The following KCTD8 variants were observed in gnomAD, a reference collection of about 807,000 sequenced individuals.
The protein encoded by KCTD8 is BTB/POZ domain-containing protein KCTD8.
A neutral mutation model predicts 31.5 loss-of-function variants in KCTD8; 27 were observed. The observed-to-expected ratio is 0.86, with a 90% CI of 0.63 to 1.18. KCTD8 has a LOEUF of 1.18. KCTD8 is among the 50% of genes most tolerant of loss of function. The pLI, the probability that KCTD8 is intolerant of heterozygous loss-of-function variation, is 0.00. For missense variants in KCTD8, 658 were observed against 647.7 expected (o/e 1.02, Z -0.17); for synonymous variants, 290 against 280.0 (o/e 1.04, Z -0.36).
chr4:44,191,783 G>A (rs772622380), intron 1 of KCTD8, among the ~76,000 whole-genome samples: 13 of 152,200 alleles, frequency 8.5e-5, no homozygotes, highest in Non-Finnish European at 7.3e-5. Context: ...GTGCACAGCT[G>A]AACGTAGACC....
intron 1 of KCTD8, among the ~76,000 whole-genome samples, chr4:44,188,036 T>C (rs1417254416): frequency 1.3e-5 from 2 of 151,916 alleles, no homozygotes; most frequent in African/African-American, 4.8e-5. Flanking sequence ...TCTAACACTC[T>C]TGTGTTGCAG....
At chr4:44,284,418 C>G (rs1431043896) in intron 1 of KCTD8, among the ~76,000 whole-genome samples, 1 of 152,098 alleles carries the variant, frequency 6.6e-6, no homozygotes, top group South Asian at 2.1e-4. Flanking sequence ...TGGCTAACCA[C>G]ATGCAGAAAA....
chr4:44,212,311 AT>A (rs1714512817), intron 1 of KCTD8, among the ~76,000 whole-genome samples: 1 of 152,226 alleles, frequency 6.6e-6, no homozygotes, highest in African/African-American at 2.4e-5. Context: ...ATTGGAAGAA[AT>A]GCAGGGAGGG....
At chr4:44,225,937 C>T (rs1446600035) in intron 1 of KCTD8, among the ~76,000 whole-genome samples, 1 of 150,896 alleles carries the variant, frequency 6.6e-6, no homozygotes, top group East Asian at 2.0e-4. Flanking sequence ...TCTCCTGCCT[C>T]AGCCTCCCGA....
At chr4:44,232,261 C>A (rs1715140841) in intron 1 of KCTD8, among the ~76,000 whole-genome samples, 2 of 152,136 alleles carry the variant, frequency 1.3e-5, no homozygotes, top group African/African-American at 2.4e-5. Context: ...GCCTCAAACT[C>A]TCTTAATGGT....
In KCTD8 at chr4:44,203,422, G is replaced by A. The variant is rs955084349; in HGVS notation, c.962-28172C>T. On this transcript the variant is annotated intron_variant, in intron 1 of 1. Transcript: ENST00000360029. ...GGAGAACTGCTTGAACCCAGGAAGC[G>A]GAGGTTGCAGTAAGCCAAGATCGTG... Among the ~76,000 whole-genome samples, 8 of 150,988 alleles carry A rather than the reference G, an allele frequency of 5.3e-5. No homozygotes were observed. In the East Asian group the frequency reaches 5.8e-4, roughly 11 times the overall value.
intron 1 of KCTD8, among the ~76,000 whole-genome samples, chr4:44,405,817 C>CAA (rs903559298): frequency 0.015 from 494 of 32,192 alleles, 30 homozygotes; most frequent in African/African-American, 0.039. Flanking sequence ...TCCTGTTTCT[C>CAA]AAAAAAAAAA....
At chr4:44,276,338 T>G (rs4695000) in intron 1 of KCTD8, among the ~76,000 whole-genome samples, 32,878 of 151,958 alleles carry the variant, frequency 0.22, 3,638 homozygotes, top group East Asian at 0.28. Context: ...ATGTTATATA[T>G]CCTTTAATAA....
chr4:44,274,200 C>G (rs1716686600), intron 1 of KCTD8, among the ~76,000 whole-genome samples: 1 of 151,778 alleles, frequency 6.6e-6, no homozygotes, highest in South Asian at 2.1e-4. Context: ...TGCTTCCCTC[C>G]TTGGAATAAT....
At chr4:44,264,295 G>T (rs956816577) in intron 1 of KCTD8, among the ~76,000 whole-genome samples, 5 of 151,946 alleles carry the variant, frequency 3.3e-5, no homozygotes, top group African/African-American at 1.2e-4. Context: ...CTAATATTTG[G>T]GTCAGAATTT....
At chr4:44,399,004 T>C (rs1050359172) in intron 1 of KCTD8, among the ~76,000 whole-genome samples, 6 of 152,146 alleles carry the variant, frequency 3.9e-5, no homozygotes, top group African/African-American at 7.2e-5. Context: ...GATTTGATGA[T>C]AAAACCTTCA....
intron 1 of KCTD8, among the ~76,000 whole-genome samples, chr4:44,322,186 A>G (rs1281030730): frequency 1.3e-5 from 2 of 152,058 alleles, no homozygotes; most frequent in African/African-American, 2.4e-5. Context: ...ACTGTTTTCC[A>G]TAATGGCTAT....
chr4:44,211,651 G>A (rs926991819), intron 1 of KCTD8, among the ~76,000 whole-genome samples: 2 of 151,906 alleles, frequency 1.3e-5, no homozygotes, highest in Non-Finnish European at 2.9e-5. Context: ...CTTCCTGGTC[G>A]ACATATACAA....
chr4:44,277,791 A>T (rs1393125905), intron 1 of KCTD8, among the ~76,000 whole-genome samples: 1 of 151,936 alleles, frequency 6.6e-6, no homozygotes, highest in African/African-American at 2.4e-5. Flanking sequence ...AAGATAAAGA[A>T]TCTGAGGTTT....
intron 1 of KCTD8, among the ~76,000 whole-genome samples, chr4:44,403,864 G>A (rs1720723549): frequency 6.6e-6 from 1 of 152,084 alleles, no homozygotes; most frequent in East Asian, 1.9e-4. Flanking sequence ...TATGTTAGAT[G>A]ATTAATATTT....
chr4:44,413,324 G>A (rs1160965559), intron 1 of KCTD8, among the ~76,000 whole-genome samples: 1 of 152,058 alleles, frequency 6.6e-6, no homozygotes, highest in Non-Finnish European at 1.5e-5. Flanking sequence ...AATAGCATTC[G>A]TATAAAATGA....
intron 1 of KCTD8, among the ~76,000 whole-genome samples, chr4:44,213,902 C>G (rs1714566336): frequency 6.6e-6 from 1 of 152,056 alleles, no homozygotes; most frequent in Non-Finnish European, 1.5e-5. Flanking sequence ...TGAAAAACTC[C>G]CCTTTTATAA....
intron 1 of KCTD8, among the ~76,000 whole-genome samples, chr4:44,446,143 T>A (rs1375379484): frequency 6.6e-6 from 1 of 152,158 alleles, no homozygotes; most frequent in Non-Finnish European, 1.5e-5. Flanking sequence ...TGTGCTGTGG[T>A]TTGTCACCCA....
intron 1 of KCTD8, among the ~76,000 whole-genome samples, chr4:44,412,969 G>A (rs541082601): frequency 8.6e-5 from 13 of 151,914 alleles, no homozygotes; most frequent in African/African-American, 2.2e-4. Flanking sequence ...TTTCTTTGTC[G>A]CTGCAATTTA....
Sources: gnomAD v4.1 joint callset for allele counts (sites outside exome capture counted in the v4.1 genomes callset) on GRCh38, gnomAD v4.1.1 for gene constraint, MANE v1.5 for transcripts, NCBI Gene and HGNC (gene_info 2026-07-23, HGNC 2026-07-21) for gene names.